The following USP32 variants were observed in gnomAD, a reference collection of about 807,000 sequenced individuals.
USP32 encodes ubiquitin specific peptidase 32.
In USP32, 59 loss-of-function variants were observed where a neutral mutation model predicts 204.8. The ratio of observed to expected loss-of-function variants is 0.29; its 90% CI spans 0.23 to 0.36. The LOEUF (loss-of-function observed/expected upper bound fraction) is 0.36. Among genes scored for constraint, USP32 ranks in the 10% least tolerant of loss-of-function variants. USP32 has a pLI of 1.00. For synonymous variants in USP32, 517 were observed against 678.4 expected (o/e 0.76, Z 3.70); for missense variants, 1,160 against 1,946.4 (o/e 0.60, Z 7.60).
At chr17:60,263,883 G>A (rs559148745) in intron 9 of USP32, among the ~76,000 whole-genome samples, 5 of 152,196 alleles carry the variant, frequency 3.3e-5, no homozygotes, top group Admixed American at 6.5e-5. Context: ...AAAAACTGAC[G>A]TTCTTTATTT....
intron 16 of USP32, among the ~76,000 whole-genome samples, chr17:60,216,261 C>A (rs939178804): frequency 4.4e-5 from 6 of 134,958 alleles, no homozygotes; most frequent in African/African-American, 1.1e-4. Context: ...TATGAAATGA[C>A]AAGAGATTAT....
chr17:60,222,676 AATT>A, intron 14 of USP32, 127 bp from the exon 15 acceptor site: 3 of 794,398 alleles, frequency 3.8e-6, no homozygotes, highest in Non-Finnish European at 5.7e-6. Context: ...GGAAAAACTT[AATT>A]TTTTTTTTTT....
intron 5 of USP32, among the ~76,000 whole-genome samples, chr17:60,284,829 T>C (rs1396737451): frequency 6.6e-6 from 1 of 152,172 alleles, no homozygotes; most frequent in Non-Finnish European, 1.5e-5. Flanking sequence ...CCTAGACCAG[T>C]TTTAGATAAG....
chr17:60,285,957 T>C (rs1368647920), intron 5 of USP32, among the ~76,000 whole-genome samples: 1 of 151,960 alleles, frequency 6.6e-6, no homozygotes, highest in Non-Finnish European at 1.5e-5. Flanking sequence ...GCCAACACAG[T>C]GAAGCCCCGT....
In USP32 at chr17:60,415,754, T is replaced by C. The variant is rs144361832; in HGVS notation, c.106+6492A>G. On this transcript the variant is annotated intron_variant, in intron 1 of 3. Transcript: ENST00000588898. ...ATGGCCTTCCTTTTCTTGGAGTCTT[T>C]ATACAATTCTAATTGGATAATTTGG... 3.9e-5 allele frequency among the ~76,000 whole-genome samples: 6 copies of C among 152,344 alleles called. No individual in the cohort carries two copies. In the East Asian group the frequency reaches 1.2e-3, roughly 29 times the overall value.
At chr17:60,276,606 T>C (rs1308726435) in intron 5 of USP32, among the ~76,000 whole-genome samples, 4 of 152,172 alleles carry the variant, frequency 2.6e-5, no homozygotes, top group African/African-American at 9.7e-5. Context: ...ATTGAGAATA[T>C]AATAGGTGTT....
At chr17:60,389,279 C>A (rs978883141) in intron 1 of USP32, among the ~76,000 whole-genome samples, 1 of 152,188 alleles carries the variant, frequency 6.6e-6, no homozygotes, top group Non-Finnish European at 1.5e-5. Context: ...CGCAGTGGCT[C>A]ACCTGTAATC....
intron 11 of USP32, among the ~76,000 whole-genome samples, chr17:60,242,156 G>A (rs2085894628): frequency 6.6e-6 from 1 of 152,088 alleles, no homozygotes; most frequent in South Asian, 2.1e-4. Flanking sequence ...TGTACAGGCT[G>A]GTATGAGGTG....
rs2085196335 is a variant in USP32, at chr17:60,219,706, T to G, written c.1831A>C (p.Thr611Pro). The change falls in exon 16 of 34, where the codon ACT becomes CCT. Residue 611 changes from threonine (T) to proline (P), a missense_variant. By Grantham distance (38) the Thr-to-Pro change is conservative (BLOSUM62 -1). Coordinates refer to ENST00000300896, the MANE Select transcript of USP32 (RefSeq NM_032582.4). Reference sequence around the variant, plus strand: ...CAGATGTTAGACTGCTGTGTCCGAGTGGCAGGCTGCTGTCTCAGGAAGAGA... The same window carrying G: ...CAGATGTTAGACTGCTGTGTCCGAGGGGCAGGCTGCTGTCTCAGGAAGAGA... The part of the protein sequence containing the change: ...YLLFLRQQPA[T>P]RTQQSNIWVN... 2.5e-6 allele frequency: 4 copies of G among 1,613,152 alleles called. No individual in the cohort carries two copies. The highest frequency in any genetic ancestry group is 3.4e-6 in the Non-Finnish European group (4 of 1,179,706).
chr17:60,363,515 C>G, intron 1 of USP32, among the ~76,000 whole-genome samples: 1 of 145,860 alleles, frequency 6.9e-6, no homozygotes, highest in Non-Finnish European at 1.5e-5. Flanking sequence ...AAGACTCTGT[C>G]TCAAAAAAAA....
chr17:60,229,334 G>A (rs1598103492), intron 12 of USP32, among the ~76,000 whole-genome samples: 1 of 152,022 alleles, frequency 6.6e-6, no homozygotes, highest in Admixed American at 6.6e-5. Flanking sequence ...TGAGTCACCC[G>A]GCCAAAGGCA....
rs374556637 is a variant in USP32 at position 60,265,946 on chromosome 17, C to T, written c.927+30G>A. The T allele has an allele frequency of 2.4e-4, 359 of 1,522,694 alleles. 1 individual carries two copies. The highest frequency in any genetic ancestry group is 1.9e-4 in the Non-Finnish European group (207 of 1,109,518). The allele number at this position is 1,522,694 out of a possible 1,614,324, so 94.3% of individuals were successfully genotyped here. On this transcript the variant is annotated intron_variant, in intron 8 of 33. Transcript: ENST00000300896. ...TCCAATTTCCCATTGGAAGTTTATA[C>T]GCAACAAGACATACACAATCATAAC...
At chr17:60,360,737 G>GA (rs769793443) in intron 1 of USP32, among the ~76,000 whole-genome samples, 36 of 152,164 alleles carry the variant, frequency 2.4e-4, no homozygotes, top group Admixed American at 3.9e-4. Context: ...ATGATAATGT[G>GA]AAAAAAATGT....
At chr17:60,205,390 C>T in intron 26 of USP32, 57 bp downstream of exon 26, 1 of 1,579,508 alleles carries the variant, frequency 6.3e-7, no homozygotes, top group Non-Finnish European at 8.6e-7. Flanking sequence ...CAGAAAATGA[C>T]TATTTCACAA....
chr17:60,241,009 T>C (rs1296095761), intron 11 of USP32, among the ~76,000 whole-genome samples: 2 of 152,166 alleles, frequency 1.3e-5, no homozygotes, highest in Non-Finnish European at 2.9e-5. Context: ...TGTTTTGTTT[T>C]GTTTTTGAGA....
At chr17:60,415,059 G>A (rs949182218) in intron 1 of USP32, among the ~76,000 whole-genome samples, 10 of 152,042 alleles carry the variant, frequency 6.6e-5, no homozygotes, top group African/African-American at 2.4e-4. Flanking sequence ...CCTCTATAAA[G>A]AAAATAAATT....
intron 2 of USP32, among the ~76,000 whole-genome samples, chr17:60,323,861 C>G (rs531807229): frequency 1.3e-5 from 2 of 152,338 alleles, no homozygotes; most frequent in East Asian, 3.9e-4. Flanking sequence ...GTCAAAACAT[C>G]TCTACAGCTT....
chr17:60,373,889 C>T (rs1420764998), intron 1 of USP32, among the ~76,000 whole-genome samples: 2 of 151,998 alleles, frequency 1.3e-5, no homozygotes, highest in African/African-American at 4.8e-5. Flanking sequence ...TTTTACTATT[C>T]ATGTTTTATT....
chr17:60,265,383 A>C (rs1410558861), intron 9 of USP32, 29 bp downstream of exon 9: 2 of 1,494,618 alleles, frequency 1.3e-6, no homozygotes, highest in Admixed American at 3.7e-5. Context: ...ATTTTTAGAA[A>C]AAGATAAATT....
Sources: gnomAD v4.1 joint callset for allele counts (sites outside exome capture counted in the v4.1 genomes callset) on GRCh38, gnomAD v4.1.1 for gene constraint, MANE v1.5 for transcripts, NCBI Gene and HGNC (gene_info 2026-07-23, HGNC 2026-07-21) for gene names.